Variants in CAMKK2 observed in about 807,000 individuals in gnomAD.
CAMKK2 encodes calcium/calmodulin dependent protein kinase kinase 2.
Under a neutral mutation model 67.2 loss-of-function variants are expected in CAMKK2, and 30 were observed. The observed-to-expected ratio is 0.45, with a 90% confidence interval of 0.33 to 0.61. The LOEUF (loss-of-function observed/expected upper bound fraction) is 0.61. Among genes scored for constraint, CAMKK2 ranks in the 20% least tolerant of loss-of-function variants. The probability of loss-of-function intolerance (pLI) is 0.02; values close to 1 mark genes in which losing one functional copy is unlikely to be tolerated. For missense variants in CAMKK2, 643 were observed against 802.0 expected (o/e 0.80, Z 2.39); for synonymous variants, 322 against 326.2 (o/e 0.99, Z 0.14).
intron 10 of CAMKK2, 98 bp from the exon 11 acceptor site, chr12:121,252,812 T>G: frequency 1.6e-6 from 2 of 1,248,058 alleles, no homozygotes; most frequent in Non-Finnish European, 2.3e-6. Context: ...TTTCAGCCCT[T>G]GGAGTTGGGG....
intron 9 of CAMKK2, among the ~76,000 whole-genome samples, chr12:121,255,304 T>TATATATATTTATATATATA (rs1891870229): frequency 1.7e-4 from 1 of 6,000 alleles, no homozygotes; most frequent in African/African-American, 6.2e-4. Flanking sequence ...ATATATAATT[T>TATATATATTTATATATATA]TATATATAAT....
intron 6 of CAMKK2, among the ~76,000 whole-genome samples, chr12:121,260,948 G>C (rs939565784): frequency 3.5e-5 from 5 of 142,146 alleles, no homozygotes; most frequent in Non-Finnish European, 3.0e-5. Context: ...GCAAGACTCT[G>C]TCTCAAAAAA....
chr12:121,252,647 C>G lies in CAMKK2; in HGVS notation c.1161+14G>C. ...CCCAGCAGTACTGAGGGGACAGACA[C>G]CCCGCCCTCTTACCTGGCCAAAGAC... On this transcript the variant is annotated intron_variant, in intron 11 of 16. Transcript: ENST00000404169. 1 of 1,613,732 alleles carries G rather than the reference C, an allele frequency of 6.2e-7. No individual in the cohort carries two copies. Among genetic ancestry groups the G allele is most frequent in the East Asian group, 2.2e-5 (1 of 44,878 alleles).
chr12:121,280,259 T>A (rs914235516), intron 1 of CAMKK2, among the ~76,000 whole-genome samples: 7 of 152,250 alleles, frequency 4.6e-5, no homozygotes, highest in African/African-American at 1.7e-4. Context: ...TTTACTGCAA[T>A]CTCTAAACAT....
intron 2 of CAMKK2, among the ~76,000 whole-genome samples, chr12:121,271,772 A>G (rs1156925314): frequency 6.6e-6 from 1 of 152,000 alleles, no homozygotes; most frequent in African/African-American, 2.4e-5. Flanking sequence ...CAATGGCACA[A>G]TCTCAGCTCA....
At chr12:121,257,860 G>C (rs1892657529) in intron 7 of CAMKK2, among the ~76,000 whole-genome samples, 1 of 151,980 alleles carries the variant, frequency 6.6e-6, no homozygotes, top group Non-Finnish European at 1.5e-5. Flanking sequence ...ATGAATTTCT[G>C]CACCATCCTC....
rs757669782 is a variant in CAMKK2, at chr12:121,248,693, C to T, written c.1365G>A (p.Pro455=). The T allele has an allele frequency of 1.9e-5, 31 of 1,614,192 alleles. No homozygotes were observed. The highest frequency in any genetic ancestry group is 1.1e-4 in the East Asian group (5 of 44,884). ...CCAGCGTGCAGTTCTCATCCTCCGACGGCAACGGCTCCGCCCCATGCCTCG... is the reference window on the plus strand; with the variant it reads ...CCAGCGTGCAGTTCTCATCCTCCGATGGCAACGGCTCCGCCCCATGCCTCG... ...WVTRHGAEPL[P]SEDENCTLVE... is the part of the protein sequence containing the mutation. The change falls in exon 14 of 17, where the codon CCG becomes CCA. Residue 455 remains proline (P), a synonymous_variant. Coordinates refer to ENST00000404169, the MANE Select transcript of CAMKK2 (RefSeq NM_001270485.2).
intron 11 of CAMKK2, among the ~76,000 whole-genome samples, chr12:121,251,750 C>T (rs1377682154): frequency 1.3e-5 from 2 of 150,912 alleles, no homozygotes; most frequent in East Asian, 2.0e-4. Context: ...TGGCTTGAAC[C>T]CGGGAGGCGG....
intron 13 of CAMKK2, among the ~76,000 whole-genome samples, chr12:121,249,421 C>A (rs1286004694): frequency 6.6e-6 from 1 of 152,184 alleles, no homozygotes; most frequent in Non-Finnish European, 1.5e-5. Flanking sequence ...CATTAATTTC[C>A]TCCCATCCTC....
intron 3 of CAMKK2, among the ~76,000 whole-genome samples, chr12:121,270,314 G>A (rs1158745909): frequency 6.6e-5 from 10 of 151,280 alleles, no homozygotes; most frequent in African/African-American, 2.4e-4. Flanking sequence ...AGGTTGCAGT[G>A]AGCCGAGATT....
Position 121,240,349 on chromosome 12 carries a change from C to G in CAMKK2, c.*350G>C, listed in dbSNP as rs1593243247. 18 of 1,262,296 alleles carry G rather than the reference C, an allele frequency of 1.4e-5. No individual in the cohort carries two copies. In the East Asian group the frequency reaches 4.0e-4, roughly 28 times the overall value. The allele number at this position is 1,262,296 out of a possible 1,614,324, so 78.2% of individuals were successfully genotyped here. ...GCCTTTCCACAGTTGTCAAACCCCACACACAGTCACTTGGTATATCTGACG... is the reference window on the plus strand; with the variant it reads ...GCCTTTCCACAGTTGTCAAACCCCAGACACAGTCACTTGGTATATCTGACG... On this transcript the variant is annotated 3_prime_UTR_variant, in exon 17 of 17. Transcript: ENST00000404169. This position sits in a 1 kb window ranked among gnomAD's most constrained non-coding sequence, Gnocchi z 4.4.
At chr12:121,291,465 C>A (rs1411268791) in intron 1 of CAMKK2, among the ~76,000 whole-genome samples, 3 of 152,308 alleles carry the variant, frequency 2.0e-5, no homozygotes. Context: ...GCACTGACAG[C>A]CACTATGGCA....
intron 1 of CAMKK2, among the ~76,000 whole-genome samples, chr12:121,280,490 G>A (rs1202068609): frequency 6.6e-6 from 1 of 152,166 alleles, no homozygotes; most frequent in Non-Finnish European, 1.5e-5. Context: ...AACAGCAATC[G>A]TTCAGGGAAT....
intron 11 of CAMKK2, 54 bp from the exon 12 acceptor site, chr12:121,250,088 C>T (rs1049617351): frequency 1.2e-5 from 17 of 1,367,244 alleles, no homozygotes; most frequent in Non-Finnish European, 1.5e-5. Flanking sequence ...ATCTGCCCTT[C>T]GAGGGCCACC....
intron 3 of CAMKK2, among the ~76,000 whole-genome samples, chr12:121,270,351 T>C (rs950117698): frequency 1.0e-4 from 15 of 148,130 alleles, no homozygotes; most frequent in African/African-American, 3.1e-4. Flanking sequence ...GCCTTGGTGA[T>C]AGAGCAACAC....
chr12:121,268,559 G>A, intron 5 of CAMKK2, 79 bp downstream of exon 5: 4 of 1,309,776 alleles, frequency 3.1e-6, no homozygotes, highest in African/African-American at 1.4e-5. Flanking sequence ...CATGCCCAGT[G>A]CAATGGTTCC....
At chr12:121,249,753 T>C in intron 13 of CAMKK2, 34 bp downstream of exon 13, 1 of 1,586,196 alleles carries the variant, frequency 6.3e-7, no homozygotes, top group Non-Finnish European at 8.7e-7. Context: ...GCCAAACAAT[T>C]CCGAGCACGG....
intron 1 of CAMKK2, among the ~76,000 whole-genome samples, chr12:121,294,939 G>A (rs149490094): frequency 6.4e-4 from 97 of 152,316 alleles, no homozygotes; most frequent in African/African-American, 2.2e-3. Context: ...GGAGACTGAC[G>A]TAGGCGGATC....
intron 5 of CAMKK2, among the ~76,000 whole-genome samples, chr12:121,267,501 T>A (rs1183421884): frequency 2.0e-5 from 3 of 151,380 alleles, no homozygotes; most frequent in African/African-American, 7.3e-5. Context: ...ATATTTTTTT[T>A]TCTTTTTTTG....
Sources: gnomAD v4.1 joint callset for allele counts (sites outside exome capture counted in the v4.1 genomes callset) on GRCh38, gnomAD v4.1.1 for gene constraint, Gnocchi (gnomAD v3.1) non-coding constraint, MANE v1.5 for transcripts, NCBI Gene and HGNC (gene_info 2026-07-23, HGNC 2026-07-21) for gene names.